Variants in DOK1 observed in about 807,000 individuals in gnomAD.
DOK1 encodes docking protein 1, also known as Downstream of tyrosine kinase 1.
A neutral mutation model predicts 24.0 loss-of-function variants in DOK1; 12 were observed. That is an observed-to-expected ratio of 0.50 (90% CI 0.32 to 0.81). The LOEUF (loss-of-function observed/expected upper bound fraction) is 0.81. DOK1 is among the 30% of genes least tolerant of loss of function. DOK1 has a pLI of 0.03. For missense variants in DOK1, 591 were observed against 620.7 expected, an observed-to-expected ratio of 0.95 and a Z score of 0.51; for synonymous variants, 250 against 260.9, an observed-to-expected ratio of 0.96 and a Z score of 0.40.
chr2:74,550,220 G>T (rs373321712), upstream of DOK1: 89 of 1,613,962 alleles, frequency 5.5e-5, no homozygotes, highest in Non-Finnish European at 7.5e-5. Flanking sequence ...CCAGGGAGGC[G>T]CTGGTCTTTG....
At chr2:74,553,053 A>G (rs1165727577), upstream of DOK1, 1 of 181,780 alleles carries the variant, frequency 5.5e-6, no homozygotes, top group Admixed American at 5.8e-5. Flanking sequence ...AACGGATAGA[A>G]AGTGATAGGC....
Position 74,555,218 on chromosome 2 carries a change from T to G in DOK1, c.125T>G (p.Phe42Cys), listed in dbSNP as rs771594625. ...CCCCACGGCGTAGCGCGGCTCGAGTTCTTTGACCATAAGGGGTCGAGCTCT... is the reference window on the plus strand; with the variant it reads ...CCCCACGGCGTAGCGCGGCTCGAGTGCTTTGACCATAAGGGGTCGAGCTCT... ...ASPHGVARLE[F>C]FDHKGSSSGG... The change falls in exon 2 of 5, where the codon TTC becomes TGC. Residue 42 changes from phenylalanine to cysteine, a missense_variant. Coordinates refer to ENST00000233668, the MANE Select transcript of DOK1 (RefSeq NM_001381.5). This position sits in a 1 kb window ranked among gnomAD's most constrained non-coding sequence, Gnocchi z 6.1. The G allele has an allele frequency of 1.2e-6, 2 of 1,613,550 alleles. No individual in the cohort carries two copies. Among genetic ancestry groups the G allele is most frequent in the African/African-American group, 2.7e-5 (2 of 74,932 alleles).
At chr2:74,550,400 G>A (rs751564034), upstream of DOK1, 4 of 1,574,102 alleles carry the variant, frequency 2.5e-6, no homozygotes, top group African/African-American at 2.7e-5. Context: ...GAGGATGGGG[G>A]AGTAATGGGG....
At chr2:74,552,283 C>A (rs1471623740), upstream of DOK1, 4 of 1,562,198 alleles carry the variant, frequency 2.6e-6, no homozygotes, top group Non-Finnish European at 3.5e-6. Context: ...TTTGGCCACA[C>A]ATAGGAAATA....
rs771222328 is a variant in DOK1, at chr2:74,549,382, C to A, written c.-358+210C>A. On this transcript the variant is annotated intron_variant, in intron 1 of 4. Coordinates refer to the DOK1 transcript ENST00000409429. This position sits in a 1 kb window ranked among gnomAD's most constrained non-coding sequence, Gnocchi z 5.3. ...GCGGCCCCTCACCTGTAGAAGGCCG[C>A]GTTGACCCTCTTTTCGCTGGGGAAG... 2 of 1,607,114 alleles carry A rather than the reference C, an allele frequency of 1.2e-6. No homozygotes were observed. The highest frequency in any genetic ancestry group is 1.7e-6 in the Non-Finnish European group (2 of 1,176,762).
chr2:74,555,102 C>T lies in DOK1; in HGVS notation c.61-52C>T. ...CGCAACCTCCTTCCCCGTCGGGACC[C>T]GGGCCGCCTGCGCACGCCACTCCCT... is the stretch of plus-strand genomic sequence containing the variant. On this transcript the variant is annotated intron_variant, in intron 1 of 4. Transcript: ENST00000233668. The surrounding 1 kb of genome is among the most constrained non-coding windows in gnomAD (Gnocchi z 6.1). The T allele has an allele frequency of 1.3e-6, 2 of 1,559,960 alleles. No individual in the cohort carries two copies. Among genetic ancestry groups the T allele is most frequent in the Admixed American group, 1.8e-5 (1 of 54,954 alleles).
In DOK1 at chr2:74,557,439, A is replaced by T; in HGVS notation, c.*325A>T. The T allele has an allele frequency of 3.7e-6, 1 of 271,198 alleles. No individual in the cohort carries two copies. Among genetic ancestry groups the T allele is most frequent in the Non-Finnish European group, 7.0e-6 (1 of 141,920 alleles). 16.8% of individuals were successfully genotyped at this position (271,198 alleles called of 1,614,324 possible). A position where few individuals can be genotyped will look rare whatever the true frequency, so the allele number is the denominator to read the frequency against. ...GGTGCAGTTTGAGGGGCCTGTGTGG[A>T]GGCCTCAGGGAGATGTTGGACTGTG... On this transcript the variant is annotated 3_prime_UTR_variant, in exon 5 of 5. Transcript: ENST00000233668.
chr2:74,549,318 A>C lies in DOK1; in HGVS notation c.-358+146A>C. The stretch of plus-strand genomic sequence containing the variant: ...CAGATGTCTCCCAAGGCTATTCATC[A>C]GGGAGCACCCCAATCCCGGCCTGCT... On this transcript the variant is annotated intron_variant, in intron 1 of 4. Transcript: ENST00000409429. The surrounding 1 kb of genome is among the most constrained non-coding windows in gnomAD (Gnocchi z 5.3). 1 of 1,507,386 alleles carries C rather than the reference A, an allele frequency of 6.6e-7. No individual in the cohort carries two copies. Among genetic ancestry groups the C allele is most frequent in the Non-Finnish European group, 8.9e-7 (1 of 1,122,454 alleles). 93.4% of individuals were successfully genotyped at this position (1,507,386 alleles called of 1,614,324 possible). A position where few individuals can be genotyped will look rare whatever the true frequency, so the allele number is the denominator to read the frequency against.
Position 74,555,999 on chromosome 2 carries a change from C to T in DOK1, c.560C>T (p.Thr187Ile). The T allele has an allele frequency of 6.2e-7, 1 of 1,613,898 alleles. No homozygotes were observed. The highest frequency in any genetic ancestry group is 8.5e-7 in the Non-Finnish European group (1 of 1,179,924). ...RVEAERLTLL[T>I]VGAQSQILEP... ...GAGGCTGAAAGGCTGACTCTCCTGA[C>T]CGTGGGGGCCCAGAGTCAGATACTG... Residue 187 changes from threonine to isoleucine, a missense_variant, in exon 4 of 5, where the codon ACC becomes ATC. Transcript: ENST00000233668. This position sits in a 1 kb window ranked among gnomAD's most constrained non-coding sequence, Gnocchi z 6.1.
rs1408125731 is a variant in DOK1 at position 74,557,203 on chromosome 2, G to A, written c.*89G>A. 3.7e-6 allele frequency: 5 copies of A among 1,335,640 alleles called. No homozygotes were observed. The highest frequency in any genetic ancestry group is 4.8e-5 in the Admixed American group (2 of 41,322). The allele number at this position is 1,335,640 out of a possible 1,614,324, so 82.7% of individuals were successfully genotyped here. Reference sequence around the variant, plus strand: ...AGATGGTTAGAACCAGCAGAAGCCAGAGGGTGGGAGGGGCCATGCTGTGTG... The same window carrying A: ...AGATGGTTAGAACCAGCAGAAGCCAAAGGGTGGGAGGGGCCATGCTGTGTG... On this transcript the variant is annotated 3_prime_UTR_variant, in exon 5 of 5. Coordinates refer to ENST00000233668, the MANE Select transcript of DOK1 (RefSeq NM_001381.5).
In DOK1 at chr2:74,555,596, C is replaced by A; in HGVS notation, c.382C>A (p.Pro128Thr). Residue 128 changes from proline to threonine, a missense_variant, in exon 3 of 5, where the codon CCT (proline) becomes ACT (threonine). By Grantham distance (38) the Pro-to-Thr change is conservative. Coordinates refer to ENST00000233668, the MANE Select transcript of DOK1 (RefSeq NM_001381.5). This position sits in a 1 kb window ranked among gnomAD's most constrained non-coding sequence, Gnocchi z 6.1. Reference protein sequence around the residue: ...AFPKGSWTLAPTDNPPKLSAL... With the variant: ...AFPKGSWTLATTDNPPKLSAL... ...ACAGAAAGGCAGCTGGACTCTGGCG[C>A]CTACCGATAACCCACCTAAGCTTTC... is the stretch of plus-strand genomic sequence containing the variant. 6.2e-7 allele frequency: 1 copy of A among 1,614,216 alleles called. No individual in the cohort carries two copies. The highest frequency in any genetic ancestry group is 2.2e-5 in the East Asian group (1 of 44,894).
chr2:74,554,304 C>T (rs752836449), upstream of DOK1: 1 of 164,670 alleles, frequency 6.1e-6, no homozygotes, highest in Non-Finnish European at 1.3e-5. This position sits in a 1 kb window ranked among gnomAD's most constrained non-coding sequence, Gnocchi z 4.9. Context: ...CCCGGGCCAG[C>T]GGAGTCTAAA....
chr2:74,549,589 G>T lies in DOK1; in HGVS notation c.-358+417G>T. The T allele has an allele frequency of 6.2e-7, 1 of 1,600,026 alleles. No individual in the cohort carries two copies. The highest frequency in any genetic ancestry group is 1.7e-5 in the Admixed American group (1 of 59,276). On this transcript the variant is annotated intron_variant, in intron 1 of 4. Transcript: ENST00000409429. This position sits in a 1 kb window ranked among gnomAD's most constrained non-coding sequence, Gnocchi z 5.3. ...ACTTGCAGGTGATGCTCTACCTGGG[G>T]GCGGGGCCACAAGCAGGGAAAGAAT...
upstream of DOK1, chr2:74,549,752 T>C (rs1026124431): frequency 4.9e-6 from 7 of 1,435,496 alleles, no homozygotes; most frequent in Middle Eastern, 2.6e-4. The surrounding 1 kb of genome is among the most constrained non-coding windows in gnomAD (Gnocchi z 5.3). Flanking sequence ...GTGTGGACTC[T>C]CTTGCAGCCA....
chr2:74,555,942 G>C lies in DOK1; in HGVS notation c.503G>C (p.Cys168Ser). The C allele has an allele frequency of 6.2e-7, 1 of 1,613,636 alleles. No homozygotes were observed. Among genetic ancestry groups the C allele is most frequent in the Non-Finnish European group, 8.5e-7 (1 of 1,179,776 alleles). The change falls in exon 4 of 5, where the codon TGT becomes TCT. Residue 168 changes from cysteine to serine, a missense_variant. By Grantham distance (112) the Cys-to-Ser change is moderately radical (BLOSUM62 -1). Coordinates refer to ENST00000233668, the MANE Select transcript of DOK1 (RefSeq NM_001381.5). The surrounding 1 kb of genome is among the most constrained non-coding windows in gnomAD (Gnocchi z 6.1). Reference protein sequence around the residue: ...TVQRTEAAERCGLHGSYVLRV... With the variant: ...TVQRTEAAERSGLHGSYVLRV... The stretch of plus-strand genomic sequence containing the variant: ...CAGAGGACTGAGGCCGCCGAGCGCT[G>C]TGGCCTGCATGGCTCCTACGTGCTG...
In DOK1 at chr2:74,555,009, G is replaced by T; in HGVS notation, c.61-145G>T. ...GGTTCTGGTCCTGGGGAGACGGAGT[G>T]GCATCGTCCTTGGGAAACTTCGCCC... On this transcript the variant is annotated intron_variant, in intron 1 of 4. Transcript: ENST00000233668. The surrounding 1 kb of genome is among the most constrained non-coding windows in gnomAD (Gnocchi z 6.1). 7.3e-7 allele frequency: 1 copy of T among 1,363,780 alleles called. No individual in the cohort carries two copies. 84.5% of individuals were successfully genotyped at this position (1,363,780 alleles called of 1,614,324 possible). A position where few individuals can be genotyped will look rare whatever the true frequency, so the allele number is the denominator to read the frequency against.
rs141309776 is a variant in DOK1, at chr2:74,556,633, C to T, written c.965C>T (p.Thr322Met). 4.8e-5 allele frequency: 77 copies of T among 1,614,246 alleles called. No homozygotes were observed. The African/African-American group carries it at 9.3e-4, about 20-fold the overall frequency. ...CTATACTCAGACCCCTTGGACAGCA[C>T]GTCTGCTCAGGCAGGAGAGGGAGTA... ...DSLYSDPLDS[T>M]SAQAGEGVQR... The change falls in exon 5 of 5, where the codon ACG (threonine) becomes ATG (methionine). Residue 322 changes from threonine (T) to methionine (M), a missense_variant. Physicochemically the swap from Thr to Met is moderately conservative, Grantham distance 81. Transcript: ENST00000233668. This position sits in a 1 kb window ranked among gnomAD's most constrained non-coding sequence, Gnocchi z 4.1.
Position 74,557,371 on chromosome 2 carries a change from G to T in DOK1, c.*257G>T. 2.2e-6 allele frequency: 1 copy of T among 448,346 alleles called. No homozygotes were observed. Among genetic ancestry groups the T allele is most frequent in the Non-Finnish European group, 4.0e-6 (1 of 248,408 alleles). The allele number at this position is 448,346 out of a possible 1,614,324, so 27.8% of individuals were successfully genotyped here. On this transcript the variant is annotated 3_prime_UTR_variant, in exon 5 of 5. Transcript: ENST00000233668. ...CCCTACTTCCCCAAATGAAGGGACG[G>T]CTGTGGGACCAGGTCTGTGGAAAGT...
chr2:74,556,006 G>A lies in DOK1; in HGVS notation c.567G>A (p.Gly189=). 1 of 1,613,858 alleles carries A rather than the reference G, an allele frequency of 6.2e-7. No individual in the cohort carries two copies. The highest frequency in any genetic ancestry group is 2.2e-5 in the East Asian group (1 of 44,884). Residue 189 remains glycine (G), a synonymous_variant, in exon 4 of 5, where the codon GGG becomes GGA. Transcript: ENST00000233668. This position sits in a 1 kb window ranked among gnomAD's most constrained non-coding sequence, Gnocchi z 4.1. ...AAAGGCTGACTCTCCTGACCGTGGG[G>A]GCCCAGAGTCAGATACTGGAGCCAC... ...EAERLTLLTV[G]AQSQILEPLL...
Sources: gnomAD v4.1 joint callset for allele counts on GRCh38, gnomAD v4.1.1 for gene constraint, Gnocchi (gnomAD v3.1) non-coding constraint, MANE v1.5 for transcripts, NCBI Gene and HGNC (gene_info 2026-07-23, HGNC 2026-07-21) for gene names.